The following CARNMT1 variants were observed in gnomAD, a reference collection of about 807,000 sequenced individuals.
The protein encoded by CARNMT1 is protein-L-histidine N-pros-methyltransferase CARNMT1.
A neutral mutation model predicts 49.6 loss-of-function variants in CARNMT1; 28 were observed. That is an observed-to-expected ratio of 0.56 (90% CI 0.42 to 0.77). The LOEUF (loss-of-function observed/expected upper bound fraction) is 0.77. Ranked by LOEUF, CARNMT1 falls within the 30% of genes least tolerant of loss-of-function variation. The probability of loss-of-function intolerance (pLI) is 0.00; values close to 1 mark genes in which losing one functional copy is unlikely to be tolerated. For missense variants in CARNMT1, 421 were observed against 512.6 expected (o/e 0.82, Z 1.73); for synonymous variants, 178 against 175.0 (o/e 1.02, Z -0.13).
intron 4 of CARNMT1, 152 bp downstream of exon 4, chr9:74,999,578 A>T (rs1833295534): frequency 1.6e-6 from 1 of 623,940 alleles, no homozygotes; most frequent in South Asian, 2.9e-5. Context: ...TAATTTGTGT[A>T]AGTACTTTGA....
intron 6 of CARNMT1, among the ~76,000 whole-genome samples, chr9:74,995,145 C>A (rs142157517): frequency 6.6e-6 from 1 of 152,242 alleles, no homozygotes; most frequent in Non-Finnish European, 1.5e-5. Flanking sequence ...TAATGGGGGT[C>A]AAAAAATTTA....
At chr9:75,003,535 T>C (rs1475913816) in intron 3 of CARNMT1, among the ~76,000 whole-genome samples, 1 of 152,270 alleles carries the variant, frequency 6.6e-6, no homozygotes, top group African/African-American at 2.4e-5. Flanking sequence ...ATTTACTGTT[T>C]GGCACTTCAA....
chr9:75,012,018 T>C (rs191265210), intron 3 of CARNMT1, among the ~76,000 whole-genome samples: 5 of 152,176 alleles, frequency 3.3e-5, no homozygotes, highest in African/African-American at 4.8e-5. Context: ...CCCAGACTCC[T>C]GACCCATAGC....
chr9:75,001,796 T>G (rs1833366849), intron 3 of CARNMT1, among the ~76,000 whole-genome samples: 1 of 152,230 alleles, frequency 6.6e-6, no homozygotes, highest in Non-Finnish European at 1.5e-5. Flanking sequence ...TGGGAATTTC[T>G]GCTATGAATC....
At chr9:74,998,366 C>G (rs899143151) in intron 5 of CARNMT1, among the ~76,000 whole-genome samples, 23 of 152,104 alleles carry the variant, frequency 1.5e-4, no homozygotes, top group African/African-American at 5.6e-4. Context: ...CATGGTATCT[C>G]TTAGTATTAA....
chr9:75,016,220 A>C (rs752941642), intron 3 of CARNMT1, 48 bp downstream of exon 3: 1 of 1,363,546 alleles, frequency 7.3e-7, no homozygotes, highest in Non-Finnish European at 1.0e-6. Context: ...AAGAAACTCA[A>C]GTGTTCATAC....
intron 6 of CARNMT1, among the ~76,000 whole-genome samples, chr9:74,989,996 G>C (rs1030716347): frequency 6.6e-6 from 1 of 152,194 alleles, no homozygotes; most frequent in South Asian, 2.1e-4. Context: ...ATATATGAAA[G>C]CTACCATGAG....
At chr9:75,006,039 C>T (rs1405619812) in intron 3 of CARNMT1, among the ~76,000 whole-genome samples, 1 of 151,922 alleles carries the variant, frequency 6.6e-6, no homozygotes, top group Admixed American at 6.6e-5. Flanking sequence ...TGAAGGGCTA[C>T]AATTAATGAC....
intron 3 of CARNMT1, among the ~76,000 whole-genome samples, chr9:75,013,572 G>GAA (rs71497372): frequency 6.8e-6 from 1 of 146,254 alleles, no homozygotes; most frequent in East Asian, 2.0e-4. Context: ...CTTCAGCTGG[G>GAA]AAAAAAAAAA....
intron 6 of CARNMT1, 107 bp from the exon 7 acceptor site, chr9:74,985,117 A>G: frequency 1.2e-6 from 1 of 836,432 alleles, no homozygotes; most frequent in Non-Finnish European, 1.9e-6. Flanking sequence ...AGACAAACAT[A>G]AAAAGTCTGG....
intron 6 of CARNMT1, among the ~76,000 whole-genome samples, chr9:74,985,928 C>T (rs1315965438): frequency 6.6e-6 from 1 of 152,198 alleles, no homozygotes; most frequent in Non-Finnish European, 1.5e-5. Context: ...CTGTCATAAA[C>T]AAGGCACTAA....
At chr9:75,002,349 T>C (rs535209846) in intron 3 of CARNMT1, among the ~76,000 whole-genome samples, 3 of 152,336 alleles carry the variant, frequency 2.0e-5, no homozygotes, top group East Asian at 1.9e-4. Flanking sequence ...GGCTGACCCC[T>C]AGTGGTAGAA....
chr9:74,993,723 AG>A (rs978010895), intron 6 of CARNMT1, among the ~76,000 whole-genome samples: 24 of 85,240 alleles, frequency 2.8e-4, no homozygotes, highest in Admixed American at 2.3e-3. Flanking sequence ...CTGGAGTCTT[AG>A]AGGCCAGGAA....
At chr9:74,992,130 G>A (rs1049853121) in intron 6 of CARNMT1, among the ~76,000 whole-genome samples, 1 of 152,072 alleles carries the variant, frequency 6.6e-6, no homozygotes, top group African/African-American at 2.4e-5. Context: ...AAAACAGCCA[G>A]GTGTGGTGGC....
At chr9:74,984,570 T>A (rs1832772052) in intron 7 of CARNMT1, among the ~76,000 whole-genome samples, 1 of 152,212 alleles carries the variant, frequency 6.6e-6, no homozygotes, top group South Asian at 2.1e-4. Context: ...TCTGACTTCA[T>A]GTGGCAGGTG....
At chr9:75,008,186 A>AAAAAC (rs1554757008) in intron 3 of CARNMT1, among the ~76,000 whole-genome samples, 1 of 151,268 alleles carries the variant, frequency 6.6e-6, no homozygotes, top group East Asian at 1.9e-4. Context: ...AAAAAAAAAA[A>AAAAAC]AAAAAAAAAA....
chr9:75,021,865 A>G (rs1405640796), intron 1 of CARNMT1, among the ~76,000 whole-genome samples: 1 of 152,078 alleles, frequency 6.6e-6, no homozygotes, highest in Non-Finnish European at 1.5e-5. Flanking sequence ...TTTAGCCCAG[A>G]AAGTCAAGGG....
At chr9:75,017,613 A>G (rs550264939) in intron 1 of CARNMT1, among the ~76,000 whole-genome samples, 165 bp from the exon 2 acceptor site, 125 of 152,326 alleles carry the variant, frequency 8.2e-4, no homozygotes, top group African/African-American at 2.9e-3. Context: ...TAAAGTTGTA[A>G]ATGTTTTTAC....
intron 6 of CARNMT1, among the ~76,000 whole-genome samples, chr9:74,989,503 T>A (rs1408541338): frequency 6.6e-6 from 1 of 152,166 alleles, no homozygotes; most frequent in Non-Finnish European, 1.5e-5. Context: ...TTTAAAGAAT[T>A]TTTTTAATCT....
Sources: gnomAD v4.1 joint callset for allele counts (sites outside exome capture counted in the v4.1 genomes callset) on GRCh38, gnomAD v4.1.1 for gene constraint, MANE v1.5 for transcripts, NCBI Gene and HGNC (gene_info 2026-07-23, HGNC 2026-07-21) for gene names.